The following SLC24A2 variants were observed in gnomAD, a reference collection of about 807,000 sequenced individuals.
SLC24A2 encodes solute carrier family 24 member 2.
In SLC24A2, 36 loss-of-function variants were observed where a neutral mutation model predicts 62.0. The observed-to-expected ratio is 0.58, with a 90% CI of 0.44 to 0.77. The LOEUF (loss-of-function observed/expected upper bound fraction) is 0.77. Among genes scored for constraint, SLC24A2 ranks in the 30% least tolerant of loss-of-function variants. The pLI, the probability that SLC24A2 is intolerant of heterozygous loss-of-function variation, is 0.00. For missense variants in SLC24A2, 846 were observed against 817.9 expected, an observed-to-expected ratio of 1.03 and a Z score of -0.42; for synonymous variants, 358 against 294.0, an observed-to-expected ratio of 1.22 and a Z score of -2.23.
At chr9:20,078,290 CTT>C in the SLC24A2 span, among the ~76,000 whole-genome samples, 15 of 152,074 alleles carry the variant, frequency 9.9e-5, no homozygotes, top group African/African-American at 3.1e-4. Context: ...CTGCCCAATT[CTT>C]CCAGCCTCCC....
At chr9:20,023,711 T>G in the SLC24A2 span, among the ~76,000 whole-genome samples, 7 of 152,180 alleles carry the variant, frequency 4.6e-5, no homozygotes, top group African/African-American at 1.7e-4. Context: ...TGGCTCCTAG[T>G]GATTTTGTTC....
the SLC24A2 span, among the ~76,000 whole-genome samples, chr9:20,100,178 T>G: frequency 2.5e-4 from 38 of 151,494 alleles, no homozygotes; most frequent in East Asian, 9.8e-4. Context: ...GGCTAACTTT[T>G]TGTGTGTGTG....
the SLC24A2 span, among the ~76,000 whole-genome samples, chr9:20,160,485 C>A: frequency 5.3e-5 from 8 of 151,208 alleles, no homozygotes; most frequent in African/African-American, 1.5e-4. Context: ...AGAAAATATA[C>A]CTTCTTCTCA....
At chr9:20,295,829 C>T in the SLC24A2 span, among the ~76,000 whole-genome samples, 2 of 152,194 alleles carry the variant, frequency 1.3e-5, no homozygotes, top group African/African-American at 4.8e-5. Flanking sequence ...GGGTCTCCAG[C>T]TTACAGGTTG....
chr9:19,562,741 G>C (rs1448322113), intron 7 of SLC24A2, among the ~76,000 whole-genome samples: 1 of 152,134 alleles, frequency 6.6e-6, no homozygotes, highest in Non-Finnish European at 1.5e-5. Flanking sequence ...ATTTGTCTTA[G>C]GTTTTCTCTG....
chr9:20,137,200 A>G, the SLC24A2 span, among the ~76,000 whole-genome samples: 1 of 152,196 alleles, frequency 6.6e-6, no homozygotes, highest in African/African-American at 2.4e-5. Context: ...TACAGTAATA[A>G]AAGTCTATAA....
the SLC24A2 span, among the ~76,000 whole-genome samples, chr9:20,087,385 A>G: frequency 6.6e-6 from 1 of 152,206 alleles, no homozygotes; most frequent in Non-Finnish European, 1.5e-5. Flanking sequence ...AGAAATCTAA[A>G]TGATATGGTT....
At chr9:20,187,644 C>A in the SLC24A2 span, among the ~76,000 whole-genome samples, 1 of 152,336 alleles carries the variant, frequency 6.6e-6, no homozygotes, top group South Asian at 2.1e-4. Context: ...AACTTTCATT[C>A]AAAGTTGAAG....
the SLC24A2 span, among the ~76,000 whole-genome samples, chr9:20,052,521 C>T: frequency 2.6e-5 from 4 of 152,246 alleles, no homozygotes; most frequent in East Asian, 1.9e-4. Flanking sequence ...CTTCTGTTCC[C>T]GTTTTTTCCA....
chr9:20,092,569 C>T, the SLC24A2 span, among the ~76,000 whole-genome samples: 1 of 152,164 alleles, frequency 6.6e-6, no homozygotes, highest in East Asian at 1.9e-4. Context: ...GACAATAGTT[C>T]TTTCCTTTTG....
At chr9:19,640,757 A>G (rs4416910) in intron 2 of SLC24A2, among the ~76,000 whole-genome samples, 97,298 of 151,998 alleles carry the variant, frequency 0.64, 31,989 homozygotes, top group East Asian at 0.86. Context: ...AACTTTATTT[A>G]CAAGAATAAG....
the SLC24A2 span, among the ~76,000 whole-genome samples, chr9:20,024,523 C>A: frequency 6.6e-6 from 1 of 152,142 alleles, no homozygotes; most frequent in Non-Finnish European, 1.5e-5. Flanking sequence ...TTAATTGGTT[C>A]GCACTCAGCC....
chr9:19,531,489 T>C (rs1474781627), intron 8 of SLC24A2, among the ~76,000 whole-genome samples: 2 of 152,212 alleles, frequency 1.3e-5, no homozygotes, highest in Non-Finnish European at 2.9e-5. Flanking sequence ...TTTGTGCCCA[T>C]GTTGTGGTTT....
chr9:19,555,869 C>T (rs1306310541), intron 7 of SLC24A2, among the ~76,000 whole-genome samples: 9 of 152,230 alleles, frequency 5.9e-5, no homozygotes, highest in African/African-American at 9.6e-5. Flanking sequence ...CACTTGAACC[C>T]GGGAGGCAGA....
At chr9:19,732,864 A>C (rs2118718072) in intron 2 of SLC24A2, among the ~76,000 whole-genome samples, 1 of 152,264 alleles carries the variant, frequency 6.6e-6, no homozygotes, top group East Asian at 1.9e-4. Flanking sequence ...AAAATAATGC[A>C]GCCCCAGTGT....
chr9:19,709,066 A>G (rs1820628024), intron 2 of SLC24A2, among the ~76,000 whole-genome samples: 1 of 152,232 alleles, frequency 6.6e-6, no homozygotes, highest in Non-Finnish European at 1.5e-5. Flanking sequence ...CAAGAAAAAA[A>G]CAAACAACCC....
chr9:19,604,992 T>G (rs1411441907), intron 4 of SLC24A2, among the ~76,000 whole-genome samples: 2 of 152,218 alleles, frequency 1.3e-5, no homozygotes, highest in African/African-American at 4.8e-5. Context: ...GTACCATTAC[T>G]CCTATTAAAT....
chr9:19,938,735 C>G, the SLC24A2 span, among the ~76,000 whole-genome samples: 1 of 152,068 alleles, frequency 6.6e-6, no homozygotes, highest in African/African-American at 2.4e-5. Flanking sequence ...ACTGAGATGA[C>G]TGAGATGTTT....
the SLC24A2 span, among the ~76,000 whole-genome samples, chr9:19,948,225 G>A: frequency 1.3e-5 from 2 of 152,182 alleles, no homozygotes; most frequent in Non-Finnish European, 2.9e-5. Context: ...GTGACTGCTG[G>A]AAGGATAAGT....
Sources: gnomAD v4.1 joint callset for allele counts (sites outside exome capture counted in the v4.1 genomes callset) on GRCh38, gnomAD v4.1.1 for gene constraint, MANE v1.5 for transcripts, NCBI Gene and HGNC (gene_info 2026-07-23, HGNC 2026-07-21) for gene names.